The following BEND7 variants were observed in gnomAD, a reference collection of about 807,000 sequenced individuals.
BEND7 encodes the protein BEN domain containing 7.
Under a neutral mutation model 50.9 loss-of-function variants are expected in BEND7, and 28 were observed. That is an observed-to-expected ratio of 0.55 (90% confidence interval 0.41 to 0.75). BEND7 has a LOEUF of 0.75. Ranked by LOEUF, BEND7 falls within the 30% of genes least tolerant of loss-of-function variation. BEND7 has a pLI of 0.00. For missense variants in BEND7, 477 were observed against 491.3 expected (o/e 0.97, Z 0.28); for synonymous variants, 170 against 183.9 (o/e 0.92, Z 0.61).
chr10:13,445,182 A>G (rs890836017), intron 8 of BEND7: 1 of 152,178 alleles, frequency 6.6e-6, no homozygotes, highest in Non-Finnish European at 1.5e-5. Flanking sequence ...TTTGTATCAA[A>G]TATCTATCAA....
intron 2 of BEND7, among the ~76,000 whole-genome samples, chr10:13,520,413 C>T (rs78740608): frequency 1.3e-5 from 2 of 151,904 alleles, no homozygotes; most frequent in South Asian, 2.1e-4. Flanking sequence ...CAAGGGAAGG[C>T]GGTTACATGA....
chr10:13,512,819 C>T (rs1234709801), intron 2 of BEND7, among the ~76,000 whole-genome samples: 1 of 152,208 alleles, frequency 6.6e-6, no homozygotes, highest in African/African-American at 2.4e-5. Flanking sequence ...ATCACATTCA[C>T]AATGGCTTTT....
Position 13,526,161 on chromosome 10 carries a change from T to C in BEND7, c.122A>G (p.Lys41Arg). 1 of 1,289,396 alleles carries C rather than the reference T, an allele frequency of 7.8e-7. No individual in the cohort carries two copies. Among genetic ancestry groups the C allele is most frequent in the Non-Finnish European group, 1.0e-6 (1 of 988,626 alleles). The allele number at this position is 1,289,396 out of a possible 1,614,324, so 79.9% of individuals were successfully genotyped here. The change falls in exon 2 of 9, where the codon AAA becomes AGA. Residue 41 changes from lysine to arginine, a missense_variant. Physicochemically the swap from Lys to Arg is conservative, Grantham distance 26. This residue lies in a region of BEND7 where 396 missense variants were observed against 384.2 expected (regional missense o/e 1.03). Coordinates refer to ENST00000466271, the MANE Select transcript of BEND7 (RefSeq NM_001369863.1). Reference protein sequence around the residue: ...EFSNDVNGEAKETQPIFLGDE... With the variant: ...EFSNDVNGEARETQPIFLGDE... ...ACCTAAAAAAATGGGCTGTGTCTCT[T>C]TGGCCTCCCCATTAACATCGTTGCT...
chr10:13,528,166 G>A (rs1452561289), intron 1 of BEND7, among the ~76,000 whole-genome samples: 2 of 152,146 alleles, frequency 1.3e-5, no homozygotes, highest in Non-Finnish European at 2.9e-5. Flanking sequence ...AGGCAGGTCC[G>A]CGGCCGCCCC....
intron 6 of BEND7, among the ~76,000 whole-genome samples, chr10:13,468,171 G>A (rs966092545): frequency 6.6e-5 from 10 of 152,252 alleles, no homozygotes; most frequent in South Asian, 2.1e-4. Flanking sequence ...ATAGCAAGGC[G>A]GAGAGTTAAG....
At chr10:13,529,631 C>G (rs73572343), upstream of BEND7, among the ~76,000 whole-genome samples, 943 of 152,186 alleles carry the variant, frequency 6.2e-3, 14 homozygotes, top group African/African-American at 0.022. Flanking sequence ...AGGTGCAGGG[C>G]ACTATGCTTC....
At chr10:13,507,994 G>A (rs554057823) in intron 2 of BEND7, among the ~76,000 whole-genome samples, 7 of 152,336 alleles carry the variant, frequency 4.6e-5, no homozygotes, top group Admixed American at 3.9e-4. Context: ...ATGGAGCCAT[G>A]CTGTGGATAG....
intron 6 of BEND7, among the ~76,000 whole-genome samples, chr10:13,457,882 C>T (rs1368237099): frequency 1.3e-5 from 2 of 152,158 alleles, no homozygotes; most frequent in East Asian, 3.8e-4. Context: ...GAATCATAGT[C>T]GAATCATTTG....
At chr10:13,455,196 CA>C (rs1411682959) in intron 6 of BEND7, among the ~76,000 whole-genome samples, 4 of 151,900 alleles carry the variant, frequency 2.6e-5, no homozygotes, top group Admixed American at 6.6e-5. Flanking sequence ...CAAAACAAAA[CA>C]AAACAAAACA....
upstream of BEND7, among the ~76,000 whole-genome samples, chr10:13,529,147 G>A (rs2079581386): frequency 6.9e-6 from 1 of 144,316 alleles, no homozygotes; most frequent in Non-Finnish European, 1.5e-5. Context: ...GGCCGCCGCC[G>A]GCCTGGCCGC....
At chr10:13,522,115 A>G (rs2079120588) in intron 2 of BEND7, among the ~76,000 whole-genome samples, 1 of 30,092 alleles carries the variant, frequency 3.3e-5, no homozygotes, top group Non-Finnish European at 6.8e-5. Flanking sequence ...CATGGATGTA[A>G]ATGGAGCGCA....
intron 6 of BEND7, among the ~76,000 whole-genome samples, chr10:13,462,742 G>A (rs1179632138): frequency 6.6e-6 from 1 of 152,138 alleles, no homozygotes; most frequent in Admixed American, 6.5e-5. Flanking sequence ...ATGAAGGAGA[G>A]GAAAGAGAGA....
chr10:13,527,984 G>A (rs2079538271), intron 1 of BEND7: 1 of 265,618 alleles, frequency 3.8e-6, no homozygotes, highest in East Asian at 1.8e-4. Flanking sequence ...GATGTTGGAT[G>A]TCAACAATTC....
chr10:13,507,617 A>G (rs1299334434), intron 2 of BEND7, among the ~76,000 whole-genome samples: 1 of 152,216 alleles, frequency 6.6e-6, no homozygotes, highest in Non-Finnish European at 1.5e-5. Flanking sequence ...TGGGTAGGAC[A>G]TTGTTCTTTA....
At chr10:13,458,031 T>C (rs1839382130) in intron 6 of BEND7, among the ~76,000 whole-genome samples, 1 of 152,226 alleles carries the variant, frequency 6.6e-6, no homozygotes, top group Non-Finnish European at 1.5e-5. Flanking sequence ...ACAATTAAAC[T>C]AAATAAAAGA....
intron 8 of BEND7, chr10:13,442,786 T>C (rs1373024885): frequency 6.6e-6 from 1 of 152,206 alleles, no homozygotes; most frequent in Non-Finnish European, 1.5e-5. Flanking sequence ...TAAGAACTCA[T>C]AGGTCATTTG....
chr10:13,449,756 T>C (rs1295352856), intron 7 of BEND7, among the ~76,000 whole-genome samples: 1 of 152,228 alleles, frequency 6.6e-6, no homozygotes, highest in Non-Finnish European at 1.5e-5. Context: ...TTATGTGCTT[T>C]AGTAAGAACA....
rs117393747 is a variant in BEND7, at chr10:13,523,016, G to A, written c.145+3122C>T. On this transcript the variant is annotated intron_variant, in intron 2 of 8. Coordinates refer to ENST00000466271, the MANE Select transcript of BEND7 (RefSeq NM_001369863.1). ...TCTTACGATTGCTGAATACTGCTCC[G>A]TTTCCTGAATTTGTCCTGTCTCCTC... Among the ~76,000 whole-genome samples, 61 of 152,278 alleles carry A rather than the reference G, an allele frequency of 4.0e-4. 2 individuals carry two copies. In the East Asian group the frequency reaches 7.9e-3, roughly 20 times the overall value.
chr10:13,522,275 T>C (rs1250934264), intron 2 of BEND7, among the ~76,000 whole-genome samples: 1 of 152,224 alleles, frequency 6.6e-6, no homozygotes, highest in Non-Finnish European at 1.5e-5. Context: ...GAATAATAAA[T>C]TAATTGTCTC....
Sources: allele counts gnomAD v4.1 joint callset (sites outside exome capture counted in the v4.1 genomes callset), GRCh38; gene constraint gnomAD v4.1.1; regional missense constraint gnomAD v4.1.1; transcripts MANE v1.5; gene names NCBI Gene and HGNC (gene_info 2026-07-23, HGNC 2026-07-21).